The following PTPN13 variants were observed in gnomAD, a reference collection of about 807,000 sequenced individuals.
The protein encoded by PTPN13 is protein tyrosine phosphatase non-receptor type 13.
PTPN13 carries 191 observed loss-of-function variants against 284.0 expected under a neutral mutation model. The observed-to-expected ratio is 0.67, with a 90% CI of 0.60 to 0.76. The LOEUF (loss-of-function observed/expected upper bound fraction) is 0.76. Ranked by LOEUF, PTPN13 falls within the 30% of genes least tolerant of loss-of-function variation. PTPN13 has a pLI of 0.00. For missense variants in PTPN13, 2,797 were observed against 2,939.9 expected, an observed-to-expected ratio of 0.95 and a Z score of 1.12; for synonymous variants, 986 against 1,022.3, an observed-to-expected ratio of 0.96 and a Z score of 0.68.
At chr4:86,650,153 A>G (rs1724916366) in intron 2 of PTPN13, among the ~76,000 whole-genome samples, 1 of 150,556 alleles carries the variant, frequency 6.6e-6, no homozygotes. Context: ...CACCCGGATA[A>G]TTTTTGTGTT....
At chr4:86,747,400 C>A (rs1736888691) in intron 17 of PTPN13, among the ~76,000 whole-genome samples, 1 of 152,166 alleles carries the variant, frequency 6.6e-6, no homozygotes. Flanking sequence ...AACTACCTGG[C>A]ACAAAGTATT....
Position 86,701,663 on chromosome 4 carries a change from A to G in PTPN13, c.1057A>G (p.Ile353Val), listed in dbSNP as rs774123699. The change falls in exon 7 of 48, where the codon ATC (isoleucine) becomes GTC (valine). Residue 353 changes from isoleucine to valine, a missense_variant. Coordinates refer to ENST00000411767, the MANE Select transcript of PTPN13 (RefSeq NM_080683.3). ...CTCAGATGGAAGTATAGCCTTGGAT[A>G]TCTTTGGCCCTCAGAAAATGGATCC... The part of the protein sequence containing the change: ...RYSDGSIALD[I>V]FGPQKMDPIY... 35 of 1,613,826 alleles carry G rather than the reference A, an allele frequency of 2.2e-5. No homozygotes were observed. In the South Asian group the frequency reaches 3.4e-4, roughly 16 times the overall value.
chr4:86,781,390 C>T (rs917282070), intron 36 of PTPN13, among the ~76,000 whole-genome samples: 1 of 151,880 alleles, frequency 6.6e-6, no homozygotes, highest in African/African-American at 2.4e-5. Flanking sequence ...ATATAATCTC[C>T]TTTTTTAATA....
intron 6 of PTPN13, among the ~76,000 whole-genome samples, chr4:86,695,157 A>G (rs867460951): frequency 1.3e-5 from 2 of 152,148 alleles, no homozygotes; most frequent in African/African-American, 4.8e-5. Context: ...ATTGTGAATA[A>G]AGACTATCTG....
chr4:86,652,018 G>A (rs1725142092), intron 2 of PTPN13, among the ~76,000 whole-genome samples: 1 of 152,050 alleles, frequency 6.6e-6, no homozygotes, highest in Admixed American at 6.6e-5. Context: ...GGAGTTTGAG[G>A]CTTCAGTGCA....
chr4:86,790,396 CAGT>C (rs1742478450), intron 40 of PTPN13, among the ~76,000 whole-genome samples: 1 of 152,030 alleles, frequency 6.6e-6, no homozygotes, highest in South Asian at 2.1e-4. Flanking sequence ...TGTGGGCACA[CAGT>C]GGTGAACAGA....
intron 3 of PTPN13, among the ~76,000 whole-genome samples, chr4:86,673,209 G>A (rs534956402): frequency 2.0e-4 from 31 of 152,258 alleles, no homozygotes; most frequent in Non-Finnish European, 2.9e-4. Context: ...TGGGGACCCC[G>A]ATCTCTAATA....
At chr4:86,714,330 C>G (rs543229605) in intron 7 of PTPN13, among the ~76,000 whole-genome samples, 1 of 152,038 alleles carries the variant, frequency 6.6e-6, no homozygotes, top group Non-Finnish European at 1.5e-5. Flanking sequence ...CACCTTTTCC[C>G]TTGTCTGTTA....
At chr4:86,701,940 C>T in intron 7 of PTPN13, 139 bp downstream of exon 7, 1 of 748,330 alleles carries the variant, frequency 1.3e-6, no homozygotes, top group South Asian at 2.2e-5. Context: ...TCTTACTTCT[C>T]TGTCAATTTC....
At chr4:86,647,351 A>G (rs1240938474) in intron 2 of PTPN13, among the ~76,000 whole-genome samples, 1 of 152,078 alleles carries the variant, frequency 6.6e-6, no homozygotes, top group Non-Finnish European at 1.5e-5. Flanking sequence ...TAAAAGAAAA[A>G]TGTTTTTCAG....
chr4:86,731,321 C>T (rs927996466), intron 10 of PTPN13, among the ~76,000 whole-genome samples: 4 of 152,138 alleles, frequency 2.6e-5, no homozygotes, highest in South Asian at 2.1e-4. Context: ...TAAGTTGTCT[C>T]CTAAACTAGT....
At position 86,655,302 on chromosome 4, in the gene PTPN13, T is replaced by G. The variant is rs184485495; in HGVS notation, c.116-17063T>G. 1.4e-3 allele frequency among the ~76,000 whole-genome samples: 215 copies of G among 152,338 alleles called. 4 individuals are homozygous for G. Among genetic ancestry groups the G allele is most frequent in the African/African-American group, 5.0e-3 (206 of 41,572 alleles). ...TGTCATTATGATGTTAGCTAGTTAT[T>G]TTGCTCGTTAGTTGATGCAGTTTCT... is the stretch of plus-strand genomic sequence containing the variant. On this transcript the variant is annotated intron_variant, in intron 2 of 47. Transcript: ENST00000411767.
intron 27 of PTPN13, among the ~76,000 whole-genome samples, chr4:86,767,242 CTT>C (rs71657583): frequency 2.0e-4 from 25 of 126,612 alleles, no homozygotes; most frequent in Admixed American, 4.1e-4. Context: ...CCACACCTGG[CTT>C]TTTTTTTTTT....
intron 1 of PTPN13, among the ~76,000 whole-genome samples, chr4:86,610,970 G>T (rs1340129117): frequency 1.3e-5 from 2 of 152,164 alleles, no homozygotes; most frequent in African/African-American, 4.8e-5. Flanking sequence ...GAGAGCAAAA[G>T]ACTAGTTCCT....
chr4:86,715,760 T>C (rs575712565), intron 7 of PTPN13, among the ~76,000 whole-genome samples: 6 of 152,304 alleles, frequency 3.9e-5, no homozygotes, highest in Admixed American at 2.6e-4. Context: ...ATGTGAATTA[T>C]GTAAAGGAGC....
intron 1 of PTPN13, among the ~76,000 whole-genome samples, chr4:86,609,266 A>G (rs922014670): frequency 2.0e-5 from 3 of 152,208 alleles, no homozygotes; most frequent in African/African-American, 7.2e-5. Context: ...CAGTTTTGTT[A>G]TCCTCTGAAG....
At chr4:86,689,908 G>T (rs1460375296) in intron 5 of PTPN13, 1 of 563,782 alleles carries the variant, frequency 1.8e-6, no homozygotes, top group Non-Finnish European at 3.1e-6. Context: ...CTGGAGTGTT[G>T]GTCCCTCTTC....
At chr4:86,715,239 T>TGG (rs1315628121) in intron 7 of PTPN13, among the ~76,000 whole-genome samples, 1 of 152,026 alleles carries the variant, frequency 6.6e-6, no homozygotes. Context: ...TATATACGTG[T>TGG]GTGTGTATAT....
chr4:86,805,436 G>T, intron 44 of PTPN13, 67 bp downstream of exon 44: 1 of 928,792 alleles, frequency 1.1e-6, no homozygotes, highest in Non-Finnish European at 1.6e-6. Flanking sequence ...AAAATTTTTT[G>T]TGTTTAACTT....
Sources: gnomAD v4.1 joint callset for allele counts (sites outside exome capture counted in the v4.1 genomes callset) on GRCh38, gnomAD v4.1.1 for gene constraint, MANE v1.5 for transcripts, NCBI Gene and HGNC (gene_info 2026-07-23, HGNC 2026-07-21) for gene names.